The following PRR16 variants were observed in gnomAD, a reference collection of about 807,000 sequenced individuals.
The protein encoded by PRR16 is protein Largen.
PRR16 carries 6 observed loss-of-function variants against 18.2 expected under a neutral mutation model. The observed-to-expected ratio is 0.33, with a 90% CI of 0.18 to 0.65. The LOEUF is 0.65. Ranked by LOEUF, PRR16 falls within the 30% of genes least tolerant of loss-of-function variation. The pLI is 0.74. For missense variants in PRR16, 412 were observed against 376.6 expected (o/e 1.09, Z -0.78); for synonymous variants, 151 against 147.8 (o/e 1.02, Z -0.16).
intron 1 of PRR16, among the ~76,000 whole-genome samples, chr5:120,478,589 A>T (rs184403154): frequency 7.9e-5 from 12 of 152,072 alleles, no homozygotes; most frequent in Non-Finnish European, 1.3e-4. Context: ...CCTATGTAGA[A>T]ATTTTGGAGA....
Position 120,563,328 on chromosome 5 carries a change from G to A in PRR16, c.159+98683G>A, listed in dbSNP as rs577114915. 5.3e-5 allele frequency among the ~76,000 whole-genome samples: 8 copies of A among 152,264 alleles called. No individual in the cohort carries two copies. In the East Asian group the frequency reaches 1.5e-3, roughly 29 times the overall value. ...GTGACATTTGTGGACTTCCCTTCAAGATGGCCAGATCCCCCAGGTCCTAGT... is the reference window on the plus strand; with the variant it reads ...GTGACATTTGTGGACTTCCCTTCAAAATGGCCAGATCCCCCAGGTCCTAGT... On this transcript the variant is annotated intron_variant, in intron 1 of 1. Coordinates refer to ENST00000407149, the MANE Select transcript of PRR16 (RefSeq NM_001300783.2).
chr5:120,753,944 ATGT>A, the PRR16 span, among the ~76,000 whole-genome samples: 1 of 6,618 alleles, frequency 1.5e-4, no homozygotes. Flanking sequence ...TATATAATAT[ATGT>A]TATATATTAT....
intron 1 of PRR16, among the ~76,000 whole-genome samples, chr5:120,547,460 A>G (rs1008756255): frequency 6.6e-6 from 1 of 152,112 alleles, no homozygotes; most frequent in Non-Finnish European, 1.5e-5. Flanking sequence ...GGCCTACTTA[A>G]GAAGGTTGGC....
chr5:120,632,514 A>T (rs1192921376), intron 1 of PRR16, among the ~76,000 whole-genome samples: 1 of 152,134 alleles, frequency 6.6e-6, no homozygotes, highest in South Asian at 2.1e-4. Flanking sequence ...TCTGTGAAAT[A>T]GAAAGCATAA....
At chr5:120,609,260 C>A (rs1435438240) in intron 1 of PRR16, among the ~76,000 whole-genome samples, 1 of 151,950 alleles carries the variant, frequency 6.6e-6, no homozygotes, top group Non-Finnish European at 1.5e-5. Flanking sequence ...TCAGTGGCAT[C>A]ATTTACATTT....
intron 1 of PRR16, among the ~76,000 whole-genome samples, chr5:120,513,742 A>G (rs1341951004): frequency 2.0e-5 from 3 of 151,376 alleles, no homozygotes; most frequent in African/African-American, 7.3e-5. Flanking sequence ...ACTTAAGAAC[A>G]TAGAGATCCC....
At chr5:120,689,354 A>G (rs1381118871), downstream of PRR16, among the ~76,000 whole-genome samples, 1 of 152,174 alleles carries the variant, frequency 6.6e-6, no homozygotes, top group African/African-American at 2.4e-5. Context: ...TTTGTCTGCA[A>G]ACTTGTAATT....
At chr5:120,755,350 T>C in the PRR16 span, among the ~76,000 whole-genome samples, 1 of 152,090 alleles carries the variant, frequency 6.6e-6, no homozygotes, top group African/African-American at 2.4e-5. Context: ...CTGGGCATAG[T>C]ATCCAATACC....
intron 1 of PRR16, among the ~76,000 whole-genome samples, chr5:120,484,266 G>A (rs938393939): frequency 1.4e-5 from 2 of 147,650 alleles, no homozygotes; most frequent in South Asian, 2.1e-4. Flanking sequence ...AGTACTGAAA[G>A]TTAAAAAAGA....
intron 1 of PRR16, among the ~76,000 whole-genome samples, chr5:120,651,394 G>T (rs530103474): frequency 1.3e-5 from 2 of 152,254 alleles, no homozygotes; most frequent in Non-Finnish European, 2.9e-5. Context: ...TAGACATGAA[G>T]TCCTTGCCCA....
At chr5:120,611,345 C>G (rs1046937544) in intron 1 of PRR16, among the ~76,000 whole-genome samples, 1 of 152,156 alleles carries the variant, frequency 6.6e-6, no homozygotes, top group Non-Finnish European at 1.5e-5. Context: ...AACAAGGAGC[C>G]TAATGTTAAT....
chr5:120,690,283 G>A (rs564126844), downstream of PRR16, among the ~76,000 whole-genome samples: 16 of 152,202 alleles, frequency 1.1e-4, no homozygotes, highest in Admixed American at 2.0e-4. Flanking sequence ...GAAAATCTGC[G>A]TAGTTCTGCA....
At chr5:120,597,005 G>A (rs914401696) in intron 1 of PRR16, among the ~76,000 whole-genome samples, 1 of 151,632 alleles carries the variant, frequency 6.6e-6, no homozygotes, top group African/African-American at 2.4e-5. Flanking sequence ...CACCTGTTGA[G>A]TCACAATCAT....
chr5:120,475,994 A>C (rs1463077981), intron 1 of PRR16, among the ~76,000 whole-genome samples: 4 of 152,132 alleles, frequency 2.6e-5, no homozygotes, highest in Admixed American at 6.6e-5. Flanking sequence ...ATTCTTGCTG[A>C]GAAGAGGATT....
rs186834553 is a variant in PRR16, at chr5:120,485,884, G to A, written c.159+21239G>A. 4.6e-3 allele frequency among the ~76,000 whole-genome samples: 693 copies of A among 152,216 alleles called. 5 individuals are homozygous for A. Among genetic ancestry groups the A allele is most frequent in the Middle Eastern group, 0.01 (3 of 294 alleles). On this transcript the variant is annotated intron_variant, in intron 1 of 1. Transcript: ENST00000407149. ...CTCATTGTTCAATTCCCACCTATGA[G>A]TGAGAACATGCGACATTTGGTTTTT...
intron 1 of PRR16, among the ~76,000 whole-genome samples, chr5:120,530,904 C>T (rs979885317): frequency 6.6e-6 from 1 of 152,116 alleles, no homozygotes; most frequent in Non-Finnish European, 1.5e-5. Context: ...AGGCTTTATT[C>T]GAGTAAGATA....
chr5:120,534,461 A>T (rs1477421517), intron 1 of PRR16, among the ~76,000 whole-genome samples: 1 of 152,206 alleles, frequency 6.6e-6, no homozygotes, highest in Non-Finnish European at 1.5e-5. Flanking sequence ...CTTAAGTCTA[A>T]CAACTGTTTT....
the PRR16 span, among the ~76,000 whole-genome samples, chr5:120,705,768 C>T: frequency 6.6e-6 from 1 of 152,058 alleles, no homozygotes; most frequent in Non-Finnish European, 1.5e-5. Context: ...CAATGCTCTT[C>T]TCTGACTCTG....
intron 1 of PRR16, among the ~76,000 whole-genome samples, chr5:120,479,933 A>G (rs1749556245): frequency 6.6e-6 from 1 of 152,192 alleles, no homozygotes; most frequent in Non-Finnish European, 1.5e-5. Flanking sequence ...TTTATGAGAC[A>G]TTGTTTTGTA....
Sources: gnomAD v4.1 joint callset for allele counts (sites outside exome capture counted in the v4.1 genomes callset) on GRCh38, gnomAD v4.1.1 for gene constraint, MANE v1.5 for transcripts, NCBI Gene and HGNC (gene_info 2026-07-23, HGNC 2026-07-21) for gene names.